PRELID2: variants seen among roughly 807,000 people sequenced by gnomAD.
PRELID2 encodes the protein PRELI domain containing 2.
PRELID2 carries 25 observed loss-of-function variants against 28.4 expected under a neutral mutation model. That is an observed-to-expected ratio of 0.88 (90% CI 0.64 to 1.23). The LOEUF is 1.23. PRELID2 is among the 50% of genes most tolerant of loss of function. The pLI is 0.00. For missense variants in PRELID2, 201 were observed against 214.4 expected (o/e 0.94, Z 0.39); for synonymous variants, 76 against 71.6 (o/e 1.06, Z -0.31).
At chr5:145,630,787 G>T (rs933334562) in intron 1 of PRELID2, among the ~76,000 whole-genome samples, 1 of 152,130 alleles carries the variant, frequency 6.6e-6, no homozygotes, top group Non-Finnish European at 1.5e-5. Context: ...AGAAACTACT[G>T]CTCACCTTTT....
intron 1 of PRELID2, among the ~76,000 whole-genome samples, chr5:145,542,815 C>T (rs1043557541): frequency 4.1e-5 from 6 of 145,334 alleles, no homozygotes; most frequent in African/African-American, 1.5e-4. Context: ...TTACTTTCTA[C>T]CTTTTTCTTT....
the PRELID2 span, among the ~76,000 whole-genome samples, chr5:145,380,923 C>T: frequency 4.6e-5 from 7 of 152,232 alleles, no homozygotes; most frequent in East Asian, 9.7e-4. Context: ...AGGTTTTATG[C>T]ATGTTCTAGA....
At chr5:145,302,238 C>G in the PRELID2 span, among the ~76,000 whole-genome samples, 1 of 151,916 alleles carries the variant, frequency 6.6e-6, no homozygotes, top group South Asian at 2.1e-4. Context: ...TGGCTCACAT[C>G]AAGGCTTCTG....
the PRELID2 span, among the ~76,000 whole-genome samples, chr5:145,237,175 G>A: frequency 1.3e-5 from 2 of 152,142 alleles, no homozygotes; most frequent in African/African-American, 2.4e-5. Context: ...AGGAATTGCA[G>A]AGCAGAGCCA....
the PRELID2 span, among the ~76,000 whole-genome samples, chr5:145,269,366 C>T: frequency 6.6e-6 from 1 of 151,928 alleles, no homozygotes; most frequent in African/African-American, 2.4e-5. Flanking sequence ...TGATTTTTGA[C>T]AAGGCTACCA....
intron 1 of PRELID2, among the ~76,000 whole-genome samples, chr5:145,479,428 G>C (rs1166867067): frequency 6.6e-6 from 1 of 152,094 alleles, no homozygotes; most frequent in Non-Finnish European, 1.5e-5. Flanking sequence ...TCATCCTGCA[G>C]AGCCCAGCAT....
At chr5:145,349,127 C>G in the PRELID2 span, among the ~76,000 whole-genome samples, 1 of 152,028 alleles carries the variant, frequency 6.6e-6, no homozygotes, top group African/African-American at 2.4e-5. Context: ...ACCCATGCAA[C>G]TGTTGTTAGT....
chr5:145,333,950 A>C, the PRELID2 span, among the ~76,000 whole-genome samples: 1 of 152,222 alleles, frequency 6.6e-6, no homozygotes, highest in South Asian at 2.1e-4. Context: ...AGTTGCAAAG[A>C]CCGTGGGAAA....
the PRELID2 span, among the ~76,000 whole-genome samples, chr5:145,420,313 T>G: frequency 6.6e-6 from 1 of 152,256 alleles, no homozygotes; most frequent in East Asian, 1.9e-4. Context: ...ATCTGTAAAT[T>G]CCCTTGGGCA....
At chr5:145,639,755 T>A (rs1294114870) in intron 1 of PRELID2, among the ~76,000 whole-genome samples, 1 of 152,082 alleles carries the variant, frequency 6.6e-6, no homozygotes, top group African/African-American at 2.4e-5. Flanking sequence ...TGAAATAAGA[T>A]TTAACAAAAG....
At chr5:145,704,535 G>A (rs1755490384) in intron 1 of PRELID2, among the ~76,000 whole-genome samples, 1 of 152,150 alleles carries the variant, frequency 6.6e-6, no homozygotes, top group South Asian at 2.1e-4. Flanking sequence ...TGTTACTAAG[G>A]TTTAATTTCT....
the PRELID2 span, among the ~76,000 whole-genome samples, chr5:145,251,438 G>A: frequency 6.6e-6 from 1 of 151,998 alleles, no homozygotes. Flanking sequence ...CGCTCCATGA[G>A]TTGGAAGCTC....
the PRELID2 span, among the ~76,000 whole-genome samples, chr5:145,239,974 T>C: frequency 6.6e-6 from 1 of 152,058 alleles, no homozygotes; most frequent in African/African-American, 2.4e-5. Flanking sequence ...AAGCATATCG[T>C]TGAATGCTGT....
At chr5:145,831,985 T>A (rs441076) in intron 1 of PRELID2, among the ~76,000 whole-genome samples, 1 of 151,916 alleles carries the variant, frequency 6.6e-6, no homozygotes, top group Non-Finnish European at 1.5e-5. Context: ...TAAAAGCCTG[T>A]CATTGGTTTA....
Position 145,699,301 on chromosome 5 carries a change from C to T in PRELID2, n.70+65630G>A, listed in dbSNP as rs371852904. 2.0e-5 allele frequency among the ~76,000 whole-genome samples: 3 copies of T among 151,990 alleles called. No individual in the cohort carries two copies. In the East Asian group the frequency reaches 5.8e-4, roughly 29 times the overall value. On this transcript the variant is annotated intron_variant and non_coding_transcript_variant, in intron 1 of 2. Coordinates refer to the PRELID2 transcript ENST00000510259. ...GCTGCAATGTTCACATGTCAGAACGCTGAGGATTTGGGAAAACTGGGACCA... is the reference window on the plus strand; with the variant it reads ...GCTGCAATGTTCACATGTCAGAACGTTGAGGATTTGGGAAAACTGGGACCA...
At chr5:145,479,981 A>G (rs1020380016) in intron 1 of PRELID2, among the ~76,000 whole-genome samples, 2 of 152,208 alleles carry the variant, frequency 1.3e-5, no homozygotes, top group East Asian at 1.9e-4. Context: ...CAACTATCAC[A>G]ACATTTAAAA....
chr5:145,595,169 C>CACACACACAT (rs1753287103), intron 1 of PRELID2, among the ~76,000 whole-genome samples: 1 of 148,662 alleles, frequency 6.7e-6, no homozygotes, highest in African/African-American at 2.5e-5. Context: ...TAGACACACA[C>CACACACACAT]ACACACACAC....
the PRELID2 span, among the ~76,000 whole-genome samples, chr5:145,407,783 A>G: frequency 2.0e-5 from 3 of 152,312 alleles, no homozygotes; most frequent in East Asian, 5.8e-4. Flanking sequence ...CAACAACTGG[A>G]TAACCAGACG....
the PRELID2 span, among the ~76,000 whole-genome samples, chr5:145,349,197 C>G: frequency 1.3e-5 from 2 of 151,976 alleles, no homozygotes; most frequent in Non-Finnish European, 1.5e-5. Context: ...GTGAAAATAC[C>G]CTATGAAGCA....
Sources: gnomAD v4.1 joint callset for allele counts (sites outside exome capture counted in the v4.1 genomes callset) on GRCh38, gnomAD v4.1.1 for gene constraint, MANE v1.5 for transcripts, NCBI Gene and HGNC (gene_info 2026-07-23, HGNC 2026-07-21) for gene names.